The following KCNH1 variants were observed in gnomAD, a reference collection of about 807,000 sequenced individuals.
KCNH1 encodes potassium voltage-gated channel subfamily H member 1.
A neutral mutation model predicts 69.2 loss-of-function variants in KCNH1; 27 were observed. The ratio of observed to expected loss-of-function variants is 0.39; its 90% CI spans 0.29 to 0.54. The LOEUF (loss-of-function observed/expected upper bound fraction) is 0.54. Ranked by LOEUF, KCNH1 falls within the 20% of genes least tolerant of loss-of-function variation. KCNH1 has a pLI of 0.68. For synonymous variants in KCNH1, 456 were observed against 487.7 expected (o/e 0.93, Z 0.86); for missense variants, 798 against 1,261.6 (o/e 0.63, Z 5.57).
intron 7 of KCNH1, among the ~76,000 whole-genome samples, chr1:210,856,997 G>A (rs1199283179): frequency 6.7e-6 from 1 of 148,992 alleles, no homozygotes; most frequent in East Asian, 2.0e-4. Context: ...TGGATAAGTT[G>A]GATGCACTCT....
chr1:210,747,812 T>C (rs752033671), intron 10 of KCNH1, among the ~76,000 whole-genome samples: 1 of 152,188 alleles, frequency 6.6e-6, no homozygotes, highest in Non-Finnish European at 1.5e-5. Context: ...CTAGTTTATA[T>C]TGATGAAACT....
chr1:210,821,928 C>T (rs914527051), intron 7 of KCNH1, among the ~76,000 whole-genome samples: 16 of 151,892 alleles, frequency 1.1e-4, no homozygotes, highest in South Asian at 4.2e-4. Flanking sequence ...CCTCGAACTC[C>T]GTGGCTCAAG....
At chr1:210,861,048 T>C (rs1685967657) in intron 7 of KCNH1, 2 of 989,860 alleles carry the variant, frequency 2.0e-6, no homozygotes, top group East Asian at 2.4e-5. Flanking sequence ...AATCCCATAG[T>C]CTTTTGAAGT....
chr1:210,869,129 A>T (rs1686180395), intron 7 of KCNH1, among the ~76,000 whole-genome samples: 1 of 152,140 alleles, frequency 6.6e-6, no homozygotes, highest in Non-Finnish European at 1.5e-5. Flanking sequence ...GACAAGACAT[A>T]TGTGAGTATT....
Position 211,019,184 on chromosome 1 carries a change from A to T in KCNH1, c.631T>A (p.Leu211Ile), listed in dbSNP as rs1045681016. The T allele has an allele frequency of 6.2e-7, 1 of 1,613,704 alleles. No individual in the cohort carries two copies. The highest frequency in any genetic ancestry group is 1.3e-5 in the African/African-American group (1 of 74,922). ...GTGGTCTTAAAAACACAATAATGTA[A>T]GATGATGTGAGGGGGAGTCTTTGGT... ...EAPKTPPHIILHYCVFKTTWD... is the reference protein window; with the variant it reads ...EAPKTPPHIIIHYCVFKTTWD... The change falls in exon 6 of 11, where the codon TTA (leucine) becomes ATA (isoleucine). Residue 211 changes from leucine (L) to isoleucine (I), a missense_variant. By Grantham distance (5) the Leu-to-Ile change is conservative. Coordinates refer to ENST00000271751, the MANE Select transcript of KCNH1 (RefSeq NM_172362.3).
chr1:210,947,974 G>A (rs973874483), intron 6 of KCNH1, among the ~76,000 whole-genome samples: 2 of 151,650 alleles, frequency 1.3e-5, no homozygotes, highest in Non-Finnish European at 2.9e-5. Context: ...TGGGGTAGGG[G>A]TTGGGGGCAG....
chr1:210,684,544 T>C (rs904504775), intron 10 of KCNH1, among the ~76,000 whole-genome samples: 1 of 152,160 alleles, frequency 6.6e-6, no homozygotes, highest in Non-Finnish European at 1.5e-5. Flanking sequence ...AAATATCACT[T>C]TTCTGGCCCC....
chr1:210,691,839 AAG>A (rs1277742230), intron 10 of KCNH1, among the ~76,000 whole-genome samples: 5 of 152,222 alleles, frequency 3.3e-5, no homozygotes, highest in African/African-American at 9.6e-5. Context: ...TAAGGTAAAA[AAG>A]AGGGCTAGCA....
intron 7 of KCNH1, among the ~76,000 whole-genome samples, chr1:210,896,790 A>G (rs1467782509): frequency 6.6e-6 from 1 of 152,208 alleles, no homozygotes; most frequent in African/African-American, 2.4e-5. Flanking sequence ...AGAACAAGGA[A>G]CAAGTGAAGA....
chr1:210,859,904 A>T, intron 7 of KCNH1: 2 of 1,338,130 alleles, frequency 1.5e-6, no homozygotes, highest in Non-Finnish European at 2.2e-6. Flanking sequence ...ATAGGTATGC[A>T]TTATAATGTA....
rs1439334283 is a variant in KCNH1 at position 210,782,949 on chromosome 1, C to T, written c.1916-7405G>A. Among the ~76,000 whole-genome samples the T allele has an allele frequency of 2.0e-5, 3 of 152,256 alleles. No individual in the cohort carries two copies. In the East Asian group the frequency reaches 5.8e-4, roughly 29 times the overall value. On this transcript the variant is annotated intron_variant, in intron 9 of 10. Coordinates refer to ENST00000271751, the MANE Select transcript of KCNH1 (RefSeq NM_172362.3). ...TTTATAAGCTACGCAGTCTATGGTA[C>T]TTTATTATGGCAGCTGGAATAGACT...
At chr1:210,941,965 A>T (rs1339126971) in intron 6 of KCNH1, among the ~76,000 whole-genome samples, 1 of 152,190 alleles carries the variant, frequency 6.6e-6, no homozygotes, top group Non-Finnish European at 1.5e-5. Context: ...TGAGACTACT[A>T]ATCATTCTAG....
At chr1:210,887,596 T>G (rs1299227450) in intron 7 of KCNH1, among the ~76,000 whole-genome samples, 2 of 151,940 alleles carry the variant, frequency 1.3e-5, no homozygotes, top group Non-Finnish European at 2.9e-5. Context: ...AGACACAGAC[T>G]GGCAAATTGG....
intron 3 of KCNH1, among the ~76,000 whole-genome samples, chr1:211,102,961 T>C (rs1478334906): frequency 6.6e-6 from 1 of 152,264 alleles, no homozygotes; most frequent in Non-Finnish European, 1.5e-5. Flanking sequence ...TTTATACTTC[T>C]GTATGGCTAC....
intron 7 of KCNH1, among the ~76,000 whole-genome samples, chr1:210,902,736 C>T (rs2102537877): frequency 6.6e-6 from 1 of 152,322 alleles, no homozygotes; most frequent in Non-Finnish European, 1.5e-5. Context: ...AAGAGCTATC[C>T]ATCTACTTTC....
At chr1:210,727,438 A>G (rs1349626556) in intron 10 of KCNH1, among the ~76,000 whole-genome samples, 1 of 152,082 alleles carries the variant, frequency 6.6e-6, no homozygotes, top group Non-Finnish European at 1.5e-5. Flanking sequence ...GCCTCAAGAA[A>G]TCCTCCACCT....
intron 6 of KCNH1, among the ~76,000 whole-genome samples, chr1:210,983,894 C>A (rs895724001): frequency 1.3e-5 from 2 of 152,130 alleles, no homozygotes; most frequent in Admixed American, 6.5e-5. Flanking sequence ...TTGATTCTTC[C>A]TACCTATGAG....
Position 211,043,260 on chromosome 1 carries a change from G to A in KCNH1, c.559-24004C>T, listed in dbSNP as rs561508269. On this transcript the variant is annotated intron_variant, in intron 5 of 10. Coordinates refer to ENST00000271751, the MANE Select transcript of KCNH1 (RefSeq NM_172362.3). The stretch of plus-strand genomic sequence containing the variant: ...AATCCAAATAACCTCACTAAGAAAC[G>A]AAACAGGAGATGTTACAACTGACAC... Among the ~76,000 whole-genome samples, 7 of 152,154 alleles carry A rather than the reference G, an allele frequency of 4.6e-5. No individual in the cohort carries two copies. In the East Asian group the frequency reaches 5.8e-4, roughly 13 times the overall value.
rs939242961 is a variant in KCNH1 at position 210,919,583 on chromosome 1, C to T, written c.1462+57G>A. The T allele has an allele frequency of 2.7e-6, 4 of 1,472,926 alleles. No individual in the cohort carries two copies. The highest frequency in any genetic ancestry group is 1.4e-5 in the African/African-American group (1 of 71,974). 91.2% of individuals were successfully genotyped at this position (1,472,926 alleles called of 1,614,324 possible). ...ATCCTGCTGGCACTGTAGCCATTTC[C>T]CTGTTTCCAGCTAACAGAAGAGATG... is the stretch of plus-strand genomic sequence containing the variant. On this transcript the variant is annotated intron_variant, in intron 7 of 10. Transcript: ENST00000271751. This position sits in a 1 kb window ranked among gnomAD's most constrained non-coding sequence, Gnocchi z 4.2.
Sources: allele counts gnomAD v4.1 joint callset (sites outside exome capture counted in the v4.1 genomes callset), GRCh38; gene constraint gnomAD v4.1.1; non-coding constraint Gnocchi (gnomAD v3.1); transcripts MANE v1.5; gene names NCBI Gene and HGNC (gene_info 2026-07-23, HGNC 2026-07-21).